Variants in NUP98 observed in about 807,000 individuals in gnomAD.
NUP98 encodes the protein nucleoporin 98 and 96 precursor.
A neutral mutation model predicts 191.9 loss-of-function variants in NUP98; 26 were observed. That is an observed-to-expected ratio of 0.14 (90% CI 0.10 to 0.19). NUP98 has a LOEUF of 0.19. Among genes scored for constraint, NUP98 ranks in the 10% least tolerant of loss-of-function variants. The pLI is 1.00. For missense variants in NUP98, 1,941 were observed against 2,178.8 expected, an observed-to-expected ratio of 0.89 and a Z score of 2.17; for synonymous variants, 808 against 778.4, an observed-to-expected ratio of 1.04 and a Z score of -0.63.
Position 3,731,422 on chromosome 11 carries a change from G to C in NUP98, c.1699C>G (p.Pro567Ala), listed in dbSNP as rs921091383. 6 of 1,604,476 alleles carry C rather than the reference G, an allele frequency of 3.7e-6. No homozygotes were observed. The highest frequency in any genetic ancestry group is 5.1e-6 in the Non-Finnish European group (6 of 1,175,002). ...HLFDGLDDDEPSLANGAFMPK... is the reference protein window; with the variant it reads ...HLFDGLDDDEASLANGAFMPK... ...ATGAATGCTCCATTGGCTAGGGATG[G>C]TTCATCGTCATCCAGCCCATCAAAG... Residue 567 changes from proline (P) to alanine (A), a missense_variant, in exon 14 of 33, where the codon CCA becomes GCA. This residue lies in a region of NUP98 where 453 missense variants were observed against 438.2 expected (regional missense o/e 1.03). Coordinates refer to ENST00000324932, the MANE Select transcript of NUP98 (RefSeq NM_016320.5).
chr11:3,733,980 C>T (rs959411037), intron 13 of NUP98, among the ~76,000 whole-genome samples: 1 of 152,078 alleles, frequency 6.6e-6, no homozygotes, highest in South Asian at 2.1e-4. Flanking sequence ...ATATTCATAT[C>T]TTGCTTCTAG....
At chr11:3,744,950 G>GCATA (rs1183699949) in intron 11 of NUP98, among the ~76,000 whole-genome samples, 9 of 152,158 alleles carry the variant, frequency 5.9e-5, no homozygotes, top group African/African-American at 2.2e-4. Context: ...AAAGCATTTA[G>GCATA]AAGACATCGG....
chr11:3,736,113 T>G (rs939117723), intron 12 of NUP98, among the ~76,000 whole-genome samples: 5 of 151,064 alleles, frequency 3.3e-5, no homozygotes, highest in African/African-American at 4.9e-5. Context: ...GTTTTTTTTT[T>G]CAGAGATGGG....
At chr11:3,746,294 A>AAAAAAAAAAAAAAAAAAAG (rs144936005) in intron 11 of NUP98, among the ~76,000 whole-genome samples, 5 of 93,096 alleles carry the variant, frequency 5.4e-5, no homozygotes, top group African/African-American at 1.0e-4. Context: ...AAAAAAAAAA[A>AAAAAAAAAAAAAAAAAAAG]GACAGCTTTG....
chr11:3,699,020 G>A (rs1261897999), intron 25 of NUP98, 62 bp downstream of exon 25: 12 of 1,573,860 alleles, frequency 7.6e-6, no homozygotes, highest in Admixed American at 3.4e-5. Context: ...AGCGGGGAGC[G>A]GTAGGAGGCA....
chr11:3,726,625 T>A (rs1302557851), intron 14 of NUP98, among the ~76,000 whole-genome samples: 1 of 150,972 alleles, frequency 6.6e-6, no homozygotes, highest in Non-Finnish European at 1.5e-5. Context: ...AAATATAACA[T>A]CAAAAGTCAC....
In NUP98 at chr11:3,719,446, T is replaced by C; in HGVS notation, c.2365A>G (p.Asn789Asp). Reference protein sequence around the residue: ...RKEVVVYLDDNQKPPVGEGLN... With the variant: ...RKEVVVYLDDDQKPPVGEGLN... ...CCTTCACCCACAGGTGGTTTTTGGT[T>C]ATCATCTAAGTAGACAACTACTTCT... The change falls in exon 18 of 33, where the codon AAC becomes GAC. Residue 789 changes from asparagine to aspartate, a missense_variant. Coordinates refer to ENST00000324932, the MANE Select transcript of NUP98 (RefSeq NM_016320.5). 1 of 1,599,656 alleles carries C rather than the reference T, an allele frequency of 6.3e-7. No individual in the cohort carries two copies. The highest frequency in any genetic ancestry group is 8.5e-7 in the Non-Finnish European group (1 of 1,175,522).
chr11:3,785,263 G>A (rs1340971019), intron 1 of NUP98, among the ~76,000 whole-genome samples: 3 of 151,970 alleles, frequency 2.0e-5, no homozygotes, highest in East Asian at 3.8e-4. Context: ...AACCATGACT[G>A]TAATCACTTC....
intron 7 of NUP98, among the ~76,000 whole-genome samples, chr11:3,769,666 T>C (rs2081457331): frequency 1.3e-5 from 2 of 150,490 alleles, no homozygotes; most frequent in South Asian, 2.1e-4. Flanking sequence ...TGGTTCACAC[T>C]GGGAGGCTGA....
intron 14 of NUP98, among the ~76,000 whole-genome samples, chr11:3,729,291 G>A (rs1300955231): frequency 1.3e-5 from 2 of 152,032 alleles, no homozygotes; most frequent in African/African-American, 4.8e-5. Context: ...AACCAGTAAA[G>A]GGGACTGAGA....
intron 20 of NUP98, among the ~76,000 whole-genome samples, chr11:3,706,955 AC>A: frequency 6.6e-6 from 1 of 152,340 alleles, no homozygotes; most frequent in South Asian, 2.1e-4. Context: ...GCTAGCAACT[AC>A]AATTTTCTGA....
intron 28 of NUP98, among the ~76,000 whole-genome samples, chr11:3,688,899 A>G (rs531895787): frequency 2.1e-5 from 3 of 144,886 alleles, no homozygotes; most frequent in Admixed American, 6.9e-5. Context: ...GTGACTAGAG[A>G]AAAAAAAAAC....
chr11:3,706,383 T>C (rs560768938), intron 21 of NUP98, 62 bp downstream of exon 21: 2 of 1,471,224 alleles, frequency 1.4e-6, no homozygotes, highest in African/African-American at 1.4e-5. Context: ...CCTGATCCTA[T>C]GCAATGGAGA....
chr11:3,708,137 G>T (rs796464842), intron 20 of NUP98, among the ~76,000 whole-genome samples: 1 of 152,206 alleles, frequency 6.6e-6, no homozygotes, highest in East Asian at 1.9e-4. Context: ...GGTCGTGAAG[G>T]CTTGATAAAA....
In NUP98 at chr11:3,770,026, G is replaced by A. The variant is rs143789762; in HGVS notation, c.785-1282C>T. On this transcript the variant is annotated intron_variant, in intron 7 of 32. Coordinates refer to ENST00000324932, the MANE Select transcript of NUP98 (RefSeq NM_016320.5). Reference sequence around the variant, plus strand: ...CCACTGCACTCCAGCCTGGGTGACAGAGCGAAACTCCATCTCAAAAAAAAA... The same window carrying A: ...CCACTGCACTCCAGCCTGGGTGACAAAGCGAAACTCCATCTCAAAAAAAAA... Among the ~76,000 whole-genome samples, 873 of 143,720 alleles carry A rather than the reference G, an allele frequency of 6.1e-3. 13 individuals carry two copies. The highest frequency in any genetic ancestry group is 0.022 in the African/African-American group (842 of 38,028). The allele number at this position is 143,720 out of a possible 152,430, so 94.3% of individuals were successfully genotyped here.
intron 18 of NUP98, among the ~76,000 whole-genome samples, chr11:3,716,001 G>A (rs1403379670): frequency 1.3e-5 from 2 of 152,124 alleles, no homozygotes; most frequent in African/African-American, 4.8e-5. Flanking sequence ...TATCAAATAT[G>A]ATTGGCATAT....
intron 1 of NUP98, among the ~76,000 whole-genome samples, chr11:3,782,364 G>A (rs1415820110): frequency 6.6e-6 from 1 of 151,484 alleles, no homozygotes; most frequent in Non-Finnish European, 1.5e-5. Context: ...CATAATGTGA[G>A]GTTAAACTTC....
chr11:3,736,223 T>G (rs1467891321), intron 12 of NUP98, among the ~76,000 whole-genome samples: 2 of 152,182 alleles, frequency 1.3e-5, no homozygotes, highest in African/African-American at 4.8e-5. Flanking sequence ...TCAGCCACCA[T>G]GCCTGGCCTC....
At chr11:3,681,377 G>A (rs2077979021) in intron 30 of NUP98, among the ~76,000 whole-genome samples, 1 of 152,072 alleles carries the variant, frequency 6.6e-6, no homozygotes, top group Admixed American at 6.6e-5. Flanking sequence ...CTTTCCAGAA[G>A]GTTTTCATTT....
Sources: gnomAD v4.1 joint callset for allele counts (sites outside exome capture counted in the v4.1 genomes callset) on GRCh38, gnomAD v4.1.1 for gene constraint, gnomAD v4.1.1 regional missense constraint, MANE v1.5 for transcripts, NCBI Gene and HGNC (gene_info 2026-07-23, HGNC 2026-07-21) for gene names.